Variants in PPP2R5C observed in about 807,000 individuals in gnomAD.
PPP2R5C encodes the protein serine/threonine-protein phosphatase 2A 56 kDa regulatory subunit gamma isoform.
PPP2R5C carries 7 observed loss-of-function variants against 68.9 expected under a neutral mutation model. The observed-to-expected ratio is 0.10, with a 90% CI of 0.06 to 0.19. PPP2R5C has a LOEUF of 0.19. Ranked by LOEUF, PPP2R5C falls within the 10% of genes least tolerant of loss-of-function variation. The probability of loss-of-function intolerance (pLI) is 1.00; values close to 1 mark genes in which losing one functional copy is unlikely to be tolerated. For synonymous variants in PPP2R5C, 210 were observed against 222.2 expected (o/e 0.95, Z 0.49); for missense variants, 348 against 641.3 (o/e 0.54, Z 4.94).
chr14:101,911,909 A>G (rs1319776525), intron 11 of PPP2R5C, among the ~76,000 whole-genome samples: 2 of 150,870 alleles, frequency 1.3e-5, no homozygotes, highest in Admixed American at 6.6e-5. Context: ...CTTGGATCTG[A>G]GTTAAGCGAT....
intron 3 of PPP2R5C, among the ~76,000 whole-genome samples, chr14:101,801,693 A>T (rs1566849291): frequency 6.6e-6 from 1 of 152,240 alleles, no homozygotes; most frequent in Non-Finnish European, 1.5e-5. Context: ...GGAAGAATAC[A>T]CCAATCAATG....
At chr14:101,808,235 G>T (rs1405544851), upstream of PPP2R5C, among the ~76,000 whole-genome samples, 1 of 151,780 alleles carries the variant, frequency 6.6e-6, no homozygotes. Flanking sequence ...CAGGAGGGCA[G>T]CTAAGATCTA....
chr14:101,868,012 G>C (rs367907638), intron 2 of PPP2R5C, among the ~76,000 whole-genome samples: 1 of 152,176 alleles, frequency 6.6e-6, no homozygotes, highest in Non-Finnish European at 1.5e-5. Flanking sequence ...TGCACCCCCA[G>C]ATGGGTGTCC....
upstream of PPP2R5C, chr14:101,760,622 AGGCGGGACCTTGCGGGAGAAACTGCGGAG>A: frequency 1.4e-6 from 1 of 710,370 alleles, no homozygotes; most frequent in Non-Finnish European, 1.6e-6. Context: ...ACTGTCGGGT[AGGCGGGACCTTGCGGGAGAAACTGCGGAG>A]GGCGGGACCA....
chr14:101,761,907 A>C lies in PPP2R5C; in HGVS notation c.14A>C (p.Asn5Thr), dbSNP rs568627180. The change falls in exon 1 of 15, where the codon AAC becomes ACC. Residue 5 changes from asparagine (N) to threonine (T), a missense_variant. Physicochemically the swap from Asn to Thr is moderately conservative, Grantham distance 65. Coordinates refer to the PPP2R5C transcript ENST00000328724. ...CCCGCTCCAGCCATGCCGAATAAAAACAAGAAGGAGAAAGTGAGTCCGGGC... is the reference window on the plus strand; with the variant it reads ...CCCGCTCCAGCCATGCCGAATAAAACCAAGAAGGAGAAAGTGAGTCCGGGC... 136 of 1,182,830 alleles carry C rather than the reference A, an allele frequency of 1.1e-4. 1 individual carries two copies. The East Asian group carries it at 4.0e-3, about 35-fold the overall frequency. The allele number at this position is 1,182,830 out of a possible 1,614,324, so 73.3% of individuals were successfully genotyped here.
intron 6 of PPP2R5C, 115 bp downstream of exon 8, chr14:101,890,411 A>G (rs2044791163): frequency 1.0e-6 from 1 of 976,286 alleles, no homozygotes. Context: ...CATTCTCTAA[A>G]AGAATTCAAA....
At chr14:101,779,135 G>A (rs1164422876) in intron 2 of PPP2R5C, among the ~76,000 whole-genome samples, 1 of 152,216 alleles carries the variant, frequency 6.6e-6, no homozygotes, top group East Asian at 1.9e-4. Context: ...AAGTAGTTTG[G>A]TATTGCTGGA....
At position 101,790,426 on chromosome 14, in the gene PPP2R5C, C is replaced by T. The variant is rs576588580; in HGVS notation, c.259+4243C>T. Among the ~76,000 whole-genome samples the T allele has an allele frequency of 1.3e-3, 195 of 152,308 alleles. 5 individuals are homozygous for T. The South Asian group carries it at 0.036, about 28-fold the overall frequency. Reference sequence around the variant, plus strand: ...TGCCATTCACCATTAAGTTCCCCTCCGGGCCCCAGCTGCAGGCACCCACTG... The same window carrying T: ...TGCCATTCACCATTAAGTTCCCCTCTGGGCCCCAGCTGCAGGCACCCACTG... On this transcript the variant is annotated intron_variant, in intron 3 of 14. Coordinates refer to the PPP2R5C transcript ENST00000328724.
chr14:101,820,311 C>G (rs2039971230), intron 1 of PPP2R5C: 1 of 152,184 alleles, frequency 6.6e-6, no homozygotes, highest in Admixed American at 6.5e-5. Flanking sequence ...CCCAGTGCCA[C>G]AGACTCTTCT....
rs1377669860 is a variant in PPP2R5C, at chr14:101,880,471, G to A, written c.295-1690G>A. Among the ~76,000 whole-genome samples the A allele has an allele frequency of 7.2e-5, 11 of 152,154 alleles. 1 individual carries two copies. In the East Asian group the frequency reaches 1.9e-3, roughly 27 times the overall value. On this transcript the variant is annotated intron_variant, in intron 2 of 13. Coordinates refer to ENST00000334743, the Ensembl canonical transcript of PPP2R5C. ...ATGACTTTCTGAAAAATGATATTAA[G>A]GTTTGGAGTTCAGTATCAATACCAG...
At chr14:101,790,734 G>C (rs1394473561) in intron 3 of PPP2R5C, among the ~76,000 whole-genome samples, 1 of 152,228 alleles carries the variant, frequency 6.6e-6, no homozygotes, top group Non-Finnish European at 1.5e-5. Flanking sequence ...CTCTTGAGTA[G>C]ATACCTAGGA....
chr14:101,811,999 T>C (rs1279116742), intron 1 of PPP2R5C, among the ~76,000 whole-genome samples: 1 of 152,184 alleles, frequency 6.6e-6, no homozygotes, highest in Non-Finnish European at 1.5e-5. Context: ...CTTGAGTTTT[T>C]AAGAAGGGAT....
intron 1 of PPP2R5C, among the ~76,000 whole-genome samples, chr14:101,832,853 A>G (rs1348275511): frequency 1.3e-5 from 2 of 152,180 alleles, no homozygotes; most frequent in Non-Finnish European, 2.9e-5. Context: ...GCTCTTCTGC[A>G]TTTACTCAGT....
At chr14:101,849,235 C>T (rs556511504) in intron 1 of PPP2R5C, among the ~76,000 whole-genome samples, 95 of 152,240 alleles carry the variant, frequency 6.2e-4, no homozygotes, top group African/African-American at 2.2e-3. Context: ...TTGTGATGGA[C>T]GTGTATGTGA....
chr14:101,816,374 A>C, intron 1 of PPP2R5C, among the ~76,000 whole-genome samples: 1 of 152,248 alleles, frequency 6.6e-6, no homozygotes, highest in East Asian at 1.9e-4. Flanking sequence ...CAGTACTCCC[A>C]CAGCAGGTAG....
At chr14:101,769,977 T>G (rs2139963326) in intron 2 of PPP2R5C, among the ~76,000 whole-genome samples, 1 of 152,328 alleles carries the variant, frequency 6.6e-6, no homozygotes, top group South Asian at 2.1e-4. Context: ...AGCCTGTCAC[T>G]CCAGGCTACA....
chr14:101,806,302 C>T (rs566027620), upstream of PPP2R5C, among the ~76,000 whole-genome samples: 125 of 151,696 alleles, frequency 8.2e-4, no homozygotes, highest in African/African-American at 2.9e-3. Flanking sequence ...ATGTTCCCCT[C>T]CCTGTGTCCA....
intron 2 of PPP2R5C, among the ~76,000 whole-genome samples, chr14:101,867,428 T>C (rs2043145416): frequency 6.6e-6 from 1 of 151,690 alleles, no homozygotes; most frequent in Non-Finnish European, 1.5e-5. Context: ...AATTAATAAT[T>C]ATGTACCACA....
exon 14 of PPP2R5C, chr14:101,925,397 A>G (rs1277248482): frequency 7.0e-7 from 1 of 1,420,878 alleles, no homozygotes; most frequent in Non-Finnish European, 9.3e-7. Flanking sequence ...TTCCGTAGGC[A>G]ATAACGTGCG....
Sources: allele counts gnomAD v4.1 joint callset (sites outside exome capture counted in the v4.1 genomes callset), GRCh38; gene constraint gnomAD v4.1.1; transcripts MANE v1.5; gene names NCBI Gene and HGNC (gene_info 2026-07-23, HGNC 2026-07-21).